Variants in R3HDM1 observed in about 807,000 individuals in gnomAD.
R3HDM1 encodes the protein R3H domain containing 1.
Under a neutral mutation model 141.1 loss-of-function variants are expected in R3HDM1, and 46 were observed. The ratio of observed to expected loss-of-function variants is 0.33; its 90% confidence interval spans 0.26 to 0.42. The LOEUF is 0.42. R3HDM1 is among the 10% of genes least tolerant of loss of function. The pLI is 1.00. For missense variants in R3HDM1, 1,184 were observed against 1,368.3 expected, an observed-to-expected ratio of 0.87 and a Z score of 2.12; for synonymous variants, 435 against 472.9, an observed-to-expected ratio of 0.92 and a Z score of 1.04.
intron 1 of R3HDM1, among the ~76,000 whole-genome samples, chr2:135,597,915 T>C (rs1194853256): frequency 6.6e-6 from 1 of 152,204 alleles, no homozygotes; most frequent in Non-Finnish European, 1.5e-5. Context: ...TACCGAAGTT[T>C]CCAGTTCTTT....
intron 20 of R3HDM1, among the ~76,000 whole-genome samples, chr2:135,679,821 T>C (rs946833604): frequency 6.6e-6 from 1 of 152,240 alleles, no homozygotes; most frequent in Non-Finnish European, 1.5e-5. Context: ...GGCTCACTCC[T>C]GTAATCCCAG....
At chr2:135,673,898 C>T (rs1158937369) in intron 19 of R3HDM1, among the ~76,000 whole-genome samples, 1 of 152,000 alleles carries the variant, frequency 6.6e-6, no homozygotes, top group Non-Finnish European at 1.5e-5. Flanking sequence ...AAGGGTCTTG[C>T]GCTGTCGCTT....
In R3HDM1 at chr2:135,713,602, G is replaced by A. The variant is rs551912291; in HGVS notation, c.2737-1948G>A. ...CACCAGTGGGTAACTGATTATTACTGTGCCATTTAGGAAAATGCCCTTAAG... is the reference window on the plus strand; with the variant it reads ...CACCAGTGGGTAACTGATTATTACTATGCCATTTAGGAAAATGCCCTTAAG... On this transcript the variant is annotated intron_variant, in intron 23 of 26. Transcript: ENST00000683871. 3.3e-5 allele frequency among the ~76,000 whole-genome samples: 5 copies of A among 152,216 alleles called. No individual in the cohort carries two copies. In the South Asian group the frequency reaches 1.0e-3, roughly 32 times the overall value.
intron 14 of R3HDM1, among the ~76,000 whole-genome samples, chr2:135,639,509 T>C (rs2063571648): frequency 6.6e-6 from 1 of 152,206 alleles, no homozygotes; most frequent in African/African-American, 2.4e-5. Flanking sequence ...TTTCAGCTAA[T>C]ACTATCAATT....
intron 1 of R3HDM1, among the ~76,000 whole-genome samples, chr2:135,589,095 T>C (rs1263575661): frequency 1.3e-5 from 2 of 152,200 alleles, no homozygotes; most frequent in African/African-American, 4.8e-5. Context: ...CTAGCAACTG[T>C]CATTATATTG....
At chr2:135,549,824 A>C (rs1054592880) in intron 1 of R3HDM1, 6 of 349,910 alleles carry the variant, frequency 1.7e-5, no homozygotes, top group Non-Finnish European at 2.4e-5. Flanking sequence ...TGGTAGAGAC[A>C]AACATTGTGA....
At chr2:135,577,184 G>C in intron 1 of R3HDM1, 3 of 983,578 alleles carry the variant, frequency 3.1e-6, no homozygotes, top group Non-Finnish European at 2.4e-6. Context: ...AAAATGCAGA[G>C]ACAACCAAAG....
intron 5 of R3HDM1, chr2:135,619,562 A>G (rs1289971678): frequency 6.0e-6 from 1 of 166,846 alleles, no homozygotes; most frequent in Non-Finnish European, 1.2e-5. Context: ...TTTTTGGATA[A>G]TTGCCTATGA....
At chr2:135,672,804 CT>C (rs2105336595) in intron 19 of R3HDM1, among the ~76,000 whole-genome samples, 1 of 152,024 alleles carries the variant, frequency 6.6e-6, no homozygotes. Flanking sequence ...GATTAGGCTG[CT>C]TTAAAGAATA....
At chr2:135,718,807 C>T (rs375485519) in intron 24 of R3HDM1, among the ~76,000 whole-genome samples, 13 of 152,038 alleles carry the variant, frequency 8.6e-5, no homozygotes, top group African/African-American at 1.2e-4. Flanking sequence ...TTTTCTCCTT[C>T]GTAATTCTCT....
At position 135,641,676 on chromosome 2, in the gene R3HDM1, T is replaced by A. The variant is rs760759393; in HGVS notation, c.1360T>A (p.Ser454Thr). The stretch of plus-strand genomic sequence containing the variant: ...AACTGTCAGCACTCATAGTTCTCTT[T>A]CCTTTGATGGTGGCCTAAATGGGCA... ...YPTVSTHSSL[S>T]FDGGLNGQVA... is the part of the protein sequence containing the mutation. The change falls in exon 15 of 27, where the codon TCC becomes ACC. Residue 454 changes from serine (S) to threonine (T), a missense_variant. By Grantham distance (58) the Ser-to-Thr change is moderately conservative (BLOSUM62 1). This residue lies in a region of R3HDM1 where 240 missense variants were observed against 312.3 expected (regional missense o/e 0.77). Coordinates refer to ENST00000683871, the MANE Select transcript of R3HDM1 (RefSeq NM_001378107.1). 8 of 1,614,160 alleles carry A rather than the reference T, an allele frequency of 5.0e-6. No individual in the cohort carries two copies. The South Asian group carries it at 7.7e-5, about 16-fold the overall frequency.
intron 1 of R3HDM1, among the ~76,000 whole-genome samples, chr2:135,583,474 C>A (rs1370247710): frequency 1.3e-5 from 2 of 152,076 alleles, no homozygotes; most frequent in African/African-American, 2.4e-5. Flanking sequence ...AGAAAACATA[C>A]CTTTGAAATT....
chr2:135,561,878 G>A (rs1053418177), intron 1 of R3HDM1, among the ~76,000 whole-genome samples: 1 of 152,086 alleles, frequency 6.6e-6, no homozygotes, highest in African/African-American at 2.4e-5. Flanking sequence ...TAAAATGACC[G>A]TTAAAGAATT....
chr2:135,658,055 C>G (rs1370953592), intron 18 of R3HDM1, among the ~76,000 whole-genome samples: 1 of 152,196 alleles, frequency 6.6e-6, no homozygotes, highest in Admixed American at 6.5e-5. Flanking sequence ...TGTTACTGTA[C>G]TAAATACTGT....
intron 7 of R3HDM1, among the ~76,000 whole-genome samples, chr2:135,625,239 C>T (rs964894382): frequency 1.3e-5 from 2 of 152,154 alleles, no homozygotes; most frequent in African/African-American, 2.4e-5. Flanking sequence ...CACCTGAGGT[C>T]AGGAGTTCGA....
chr2:135,537,417 G>T (rs1174894077), intron 1 of R3HDM1, among the ~76,000 whole-genome samples: 1 of 148,460 alleles, frequency 6.7e-6, no homozygotes, highest in Non-Finnish European at 1.5e-5. Context: ...CCCCCAAGTA[G>T]CTGGGACTAT....
At position 135,602,676 on chromosome 2, in the gene R3HDM1, A is replaced by G; in HGVS notation, c.-73A>G. 6.5e-7 allele frequency: 1 copy of G among 1,540,640 alleles called. No homozygotes were observed. Among genetic ancestry groups the G allele is most frequent in the Non-Finnish European group, 8.7e-7 (1 of 1,143,978 alleles). Reference sequence around the variant, plus strand: ...GATTATTTTATTTTATTTTTGTGGGACACCACAATCCCAAATCCAAAGGAC... The same window carrying G: ...GATTATTTTATTTTATTTTTGTGGGGCACCACAATCCCAAATCCAAAGGAC... On this transcript the variant is annotated 5_prime_UTR_variant, in exon 2 of 27. Transcript: ENST00000683871.
At chr2:135,595,245 G>A (rs1290376462) in intron 1 of R3HDM1, among the ~76,000 whole-genome samples, 1 of 152,154 alleles carries the variant, frequency 6.6e-6, no homozygotes, top group East Asian at 1.9e-4. Flanking sequence ...TTTAGTGGTA[G>A]CAAGCACTAC....
intron 3 of R3HDM1, among the ~76,000 whole-genome samples, chr2:135,612,822 A>T (rs1175940226): frequency 6.6e-6 from 1 of 152,232 alleles, no homozygotes; most frequent in Non-Finnish European, 1.5e-5. Flanking sequence ...AATAGAGGGA[A>T]TTGCTACTTA....
Sources: allele counts gnomAD v4.1 joint callset (sites outside exome capture counted in the v4.1 genomes callset), GRCh38; gene constraint gnomAD v4.1.1; regional missense constraint gnomAD v4.1.1; transcripts MANE v1.5; gene names NCBI Gene and HGNC (gene_info 2026-07-23, HGNC 2026-07-21).